Variants in RBM47 observed in about 807,000 individuals in gnomAD.
The protein encoded by RBM47 is RNA-binding protein 47.
A neutral mutation model predicts 47.1 loss-of-function variants in RBM47; 21 were observed. The ratio of observed to expected loss-of-function variants is 0.45; its 90% CI spans 0.32 to 0.64. The LOEUF (loss-of-function observed/expected upper bound fraction) is 0.64, where lower values mean the gene tolerates loss of function less well. Ranked by LOEUF, RBM47 falls within the 30% of genes least tolerant of loss-of-function variation. The probability of loss-of-function intolerance (pLI) is 0.05; values close to 1 mark genes in which losing one functional copy is unlikely to be tolerated. For synonymous variants in RBM47, 375 were observed against 361.7 expected, an observed-to-expected ratio of 1.04 and a Z score of -0.42; for missense variants, 708 against 870.9, an observed-to-expected ratio of 0.81 and a Z score of 2.35.
intron 1 of RBM47, among the ~76,000 whole-genome samples, chr4:40,620,057 C>T (rs753880953): frequency 1.7e-4 from 25 of 151,392 alleles, no homozygotes; most frequent in Admixed American, 1.1e-3. Context: ...ATTTGCCAGG[C>T]CTCATAGCTC....
Position 40,437,131 on chromosome 4 carries a change from T to TAA in RBM47, c.1124-486_1124-485dup, listed in dbSNP as rs1268485635. Among the ~76,000 whole-genome samples the TAA allele has an allele frequency of 3.3e-5, 3 of 91,096 alleles. 1 individual carries two copies. The highest frequency in any genetic ancestry group is 8.8e-4 in the East Asian group (2 of 2,266). The allele number at this position is 91,096 out of a possible 152,430, so 59.8% of individuals were successfully genotyped here. ...TATATAAAATACATATATATATATA[T>TAA]AAAATACATATATATATATAAAATA... is the stretch of plus-strand genomic sequence containing the variant. On this transcript the variant is annotated intron_variant, in intron 4 of 6. Coordinates refer to ENST00000295971, the MANE Select transcript of RBM47 (RefSeq NM_001098634.2).
intron 2 of RBM47, among the ~76,000 whole-genome samples, chr4:40,480,197 C>T (rs1173145234): frequency 6.6e-6 from 1 of 151,948 alleles, no homozygotes; most frequent in South Asian, 2.1e-4. Context: ...AGGCTGGTCT[C>T]GAACTCCTGA....
chr4:40,426,158 C>A lies in RBM47; in HGVS notation c.1543-15G>T, dbSNP rs983206323. 4.4e-6 allele frequency: 7 copies of A among 1,607,712 alleles called. No individual in the cohort carries two copies. The East Asian group carries it at 1.1e-4, about 26-fold the overall frequency. ...ATTGGGCGGCCCTGAGGAGAAGAGACAAAAAGGAGCCTTCCTGAACACGTG... is the reference window on the plus strand; with the variant it reads ...ATTGGGCGGCCCTGAGGAGAAGAGAAAAAAAGGAGCCTTCCTGAACACGTG... On this transcript the variant is annotated splice_polypyrimidine_tract_variant and intron_variant, in intron 6 of 6. Coordinates refer to ENST00000295971, the MANE Select transcript of RBM47 (RefSeq NM_001098634.2).
intron 2 of RBM47, among the ~76,000 whole-genome samples, chr4:40,499,311 G>C (rs931845353): frequency 6.6e-6 from 1 of 152,136 alleles, no homozygotes; most frequent in African/African-American, 2.4e-5. Flanking sequence ...TGATGTAATA[G>C]CACCCCTATT....
At chr4:40,432,626 A>G (rs770316901) in intron 6 of RBM47, 25 bp downstream of exon 6, 1 of 1,610,162 alleles carries the variant, frequency 6.2e-7, no homozygotes, top group South Asian at 1.1e-5. Flanking sequence ...CACACAAATG[A>G]CAATGCCTGC....
At chr4:40,520,584 G>C (rs1577872711) in intron 2 of RBM47, among the ~76,000 whole-genome samples, 1 of 152,224 alleles carries the variant, frequency 6.6e-6, no homozygotes, top group Non-Finnish European at 1.5e-5. Flanking sequence ...CTAGGAAATA[G>C]TAGAGGAGAA....
At chr4:40,465,023 T>A (rs1717800240) in intron 3 of RBM47, among the ~76,000 whole-genome samples, 1 of 151,984 alleles carries the variant, frequency 6.6e-6, no homozygotes, top group Non-Finnish European at 1.5e-5. Context: ...CATTTTTCTA[T>A]AATTTCCAGA....
intron 2 of RBM47, among the ~76,000 whole-genome samples, chr4:40,472,304 G>A (rs1719020141): frequency 1.3e-5 from 2 of 152,092 alleles, no homozygotes; most frequent in African/African-American, 4.8e-5. Context: ...GTCGGGTGCG[G>A]TGGCTCATGC....
At chr4:40,503,116 CCTT>C (rs1280058185) in intron 2 of RBM47, among the ~76,000 whole-genome samples, 17 of 152,198 alleles carry the variant, frequency 1.1e-4, no homozygotes, top group Admixed American at 1.1e-3. Flanking sequence ...CTTCCCTCCT[CCTT>C]CACTTCCTGT....
chr4:40,499,473 G>A (rs1049733674), intron 2 of RBM47, among the ~76,000 whole-genome samples: 3 of 152,154 alleles, frequency 2.0e-5, no homozygotes, highest in Non-Finnish European at 4.4e-5. Flanking sequence ...GCAATGGCAC[G>A]CTCTCAGCTC....
intron 2 of RBM47, among the ~76,000 whole-genome samples, chr4:40,468,281 T>C (rs1480418650): frequency 1.3e-5 from 2 of 152,012 alleles, no homozygotes; most frequent in African/African-American, 4.8e-5. Context: ...AGCAAGACTG[T>C]CTCAAAAAAG....
intron 2 of RBM47, among the ~76,000 whole-genome samples, chr4:40,533,358 C>G (rs1041702759): frequency 6.7e-6 from 1 of 150,080 alleles, no homozygotes; most frequent in Non-Finnish European, 1.5e-5. Flanking sequence ...CACTTGAACT[C>G]GGGAGGCAGA....
In RBM47 at chr4:40,425,609, C is replaced by A. The variant is rs73231732; in HGVS notation, c.*295G>T. 3.7e-3 allele frequency: 861 copies of A among 232,990 alleles called. 13 individuals are homozygous for A. Among genetic ancestry groups the A allele is most frequent in the East Asian group, 0.036 (400 of 11,184 alleles). The allele number at this position is 232,990 out of a possible 1,614,324, so 14.4% of individuals were successfully genotyped here. A position where few individuals can be genotyped will look rare whatever the true frequency, so the allele number is the denominator to read the frequency against. On this transcript the variant is annotated 3_prime_UTR_variant, in exon 7 of 7. Transcript: ENST00000295971. ...TACTGAAAATATATCCTTAAAAAAA[C>A]AACAACAAAAACCTCTATACAAATG...
intron 1 of RBM47, among the ~76,000 whole-genome samples, chr4:40,586,623 C>G (rs1350919252): frequency 6.7e-6 from 1 of 149,888 alleles, no homozygotes; most frequent in Admixed American, 6.7e-5. Flanking sequence ...CTTGGCGCTC[C>G]GTCCACTTTT....
intron 3 of RBM47, among the ~76,000 whole-genome samples, chr4:40,463,892 C>A (rs1005639010): frequency 6.6e-6 from 1 of 151,934 alleles, no homozygotes; most frequent in Non-Finnish European, 1.5e-5. Flanking sequence ...ACGCACATTG[C>A]CATATATGAT....
intron 1 of RBM47, among the ~76,000 whole-genome samples, chr4:40,547,291 T>A (rs1212345559): frequency 1.3e-5 from 2 of 152,174 alleles, no homozygotes; most frequent in Non-Finnish European, 2.9e-5. Context: ...ACAGGGTCTT[T>A]AAATGGGTAA....
chr4:40,551,999 C>A lies in RBM47; in HGVS notation c.-239-7493G>T, dbSNP rs76480527. Among the ~76,000 whole-genome samples, 5 of 152,230 alleles carry A rather than the reference C, an allele frequency of 3.3e-5. No individual in the cohort carries two copies. The East Asian group carries it at 9.6e-4, about 29-fold the overall frequency. Reference sequence around the variant, plus strand: ...AAAAGAAGACAAAAGATGACACAGGCATTGACTCAAAAACTGGAAACATTT... The same window carrying A: ...AAAAGAAGACAAAAGATGACACAGGAATTGACTCAAAAACTGGAAACATTT... On this transcript the variant is annotated intron_variant, in intron 1 of 6. Transcript: ENST00000295971.
rs10581870 is a variant in RBM47, at chr4:40,443,717, CAAAAAAAAA to C, written c.-31-4802_-31-4794del. 1.1e-3 allele frequency among the ~76,000 whole-genome samples: 51 copies of C among 47,732 alleles called. No homozygotes were observed. In the South Asian group the frequency reaches 0.012, roughly 11 times the overall value. The allele number at this position is 47,732 out of a possible 152,430, so 31.3% of individuals were successfully genotyped here. On this transcript the variant is annotated intron_variant, in intron 3 of 6. Transcript: ENST00000295971. ...GGGCAACAAGAGTGAAACTCCTTCT[CAAAAAAAAA>C]AAAAAAAAAAAAAAAAAAAAAAAAA... is the stretch of plus-strand genomic sequence containing the variant.
chr4:40,592,955 AT>A (rs1734316430), intron 1 of RBM47, among the ~76,000 whole-genome samples: 1 of 12,964 alleles, frequency 7.7e-5, no homozygotes, highest in East Asian at 1.7e-3. Flanking sequence ...ATATATATAT[AT>A]ATATATATAT....
Sources: allele counts gnomAD v4.1 joint callset (sites outside exome capture counted in the v4.1 genomes callset), GRCh38; gene constraint gnomAD v4.1.1; transcripts MANE v1.5; gene names NCBI Gene and HGNC (gene_info 2026-07-23, HGNC 2026-07-21).